KYAT3: variants seen among roughly 807,000 people sequenced by gnomAD.
The protein encoded by KYAT3 is kynurenine--oxoglutarate transaminase 3.
A neutral mutation model predicts 59.0 loss-of-function variants in KYAT3; 50 were observed. That is an observed-to-expected ratio of 0.85 (90% CI 0.68 to 1.07). The LOEUF is 1.07. Ranked by LOEUF, KYAT3 falls within the 50% of genes least tolerant of loss-of-function variation. The pLI, the probability that KYAT3 is intolerant of heterozygous loss-of-function variation, is 0.00. For synonymous variants in KYAT3, 148 were observed against 177.0 expected, an observed-to-expected ratio of 0.84 and a Z score of 1.30; for missense variants, 497 against 533.3, an observed-to-expected ratio of 0.93 and a Z score of 0.67.
At chr1:88,924,049 T>G in the KYAT3 span, among the ~76,000 whole-genome samples, 5,436 of 152,330 alleles carry the variant, frequency 0.036, 269 homozygotes, top group African/African-American at 0.11. Context: ...CAGTACTGTT[T>G]GCAGCCACCC....
At chr1:88,926,962 G>A in the KYAT3 span, among the ~76,000 whole-genome samples, 6 of 152,244 alleles carry the variant, frequency 3.9e-5, no homozygotes, top group African/African-American at 1.4e-4. Context: ...ATGCAATGTT[G>A]GGCACGCTGG....
intron 1 of KYAT3, among the ~76,000 whole-genome samples, chr1:88,990,749 C>T (rs1055272139): frequency 4.6e-5 from 7 of 152,118 alleles, no homozygotes; most frequent in Admixed American, 3.3e-4. Context: ...GAAATCTAAG[C>T]AGGCTGATAA....
intron 2 of KYAT3, chr1:88,981,213 T>A (rs1211714313): frequency 1.3e-5 from 2 of 152,256 alleles, no homozygotes; most frequent in Non-Finnish European, 2.9e-5. Context: ...ATGTCACTCA[T>A]AAGTTTTATT....
chr1:88,946,505 T>C (rs12141262), intron 11 of KYAT3, among the ~76,000 whole-genome samples: 43,331 of 152,094 alleles, frequency 0.28, 7,539 homozygotes, highest in Non-Finnish European at 0.38. Context: ...TTTCTATTTA[T>C]ATATTACTGC....
intron 2 of KYAT3, among the ~76,000 whole-genome samples, chr1:88,984,689 G>C (rs1677340664): frequency 6.6e-6 from 1 of 152,154 alleles, no homozygotes; most frequent in African/African-American, 2.4e-5. Flanking sequence ...TACTTCAATA[G>C]AAAACTATGC....
At chr1:88,988,138 A>G (rs1677577223) in intron 2 of KYAT3, 114 bp downstream of exon 2, 1 of 659,288 alleles carries the variant, frequency 1.5e-6, no homozygotes, top group Non-Finnish European at 2.6e-6. Context: ...CAGCATATGT[A>G]ATAGAAATGT....
chr1:88,966,613 CT>C (rs986877010), intron 4 of KYAT3, among the ~76,000 whole-genome samples: 1 of 151,684 alleles, frequency 6.6e-6, no homozygotes, highest in African/African-American at 2.4e-5. Context: ...TTGTAGTAGG[CT>C]TTTTTTTCTT....
intron 10 of KYAT3, among the ~76,000 whole-genome samples, chr1:88,952,185 G>A (rs1243183657): frequency 6.6e-6 from 1 of 152,152 alleles, no homozygotes; most frequent in African/African-American, 2.4e-5. Flanking sequence ...AACTTAATAT[G>A]GTCATATAAC....
chr1:88,983,080 G>A, intron 2 of KYAT3: 1 of 1,612,408 alleles, frequency 6.2e-7, no homozygotes, highest in Non-Finnish European at 8.5e-7. Flanking sequence ...CACGTGAACT[G>A]GAATGACCAT....
At chr1:88,929,001 C>T in the KYAT3 span, among the ~76,000 whole-genome samples, 20 of 152,030 alleles carry the variant, frequency 1.3e-4, 1 homozygote, top group African/African-American at 4.6e-4. Context: ...AAGGAACACT[C>T]GTTTGTTGTC....
At chr1:88,932,019 A>G (rs764228653), downstream of KYAT3, among the ~76,000 whole-genome samples, 1 of 150,978 alleles carries the variant, frequency 6.6e-6, no homozygotes, top group African/African-American at 2.4e-5. Flanking sequence ...TGGTAATCTT[A>G]GGGCTGTTGG....
intron 2 of KYAT3, among the ~76,000 whole-genome samples, chr1:88,974,375 T>C (rs1676677879): frequency 1.3e-5 from 2 of 152,048 alleles, no homozygotes. Flanking sequence ...TGTTTTTGGT[T>C]GTTTTTGTGC....
At chr1:88,953,724 C>T (rs1258142366) in intron 9 of KYAT3, among the ~76,000 whole-genome samples, 1 of 152,030 alleles carries the variant, frequency 6.6e-6, no homozygotes. Context: ...TTAGCCTTTT[C>T]CTTTCTAATA....
intron 2 of KYAT3, chr1:88,982,504 A>G: frequency 1.6e-6 from 2 of 1,269,168 alleles, no homozygotes; most frequent in Non-Finnish European, 1.1e-6. Context: ...TCACAAGAAC[A>G]TAAAAATTAC....
chr1:88,965,025 C>A, intron 4 of KYAT3, 47 bp from the exon 5 acceptor site: 1 of 1,486,478 alleles, frequency 6.7e-7, no homozygotes. Flanking sequence ...AAATATGGGA[C>A]CTACTGTTTG....
rs763896292 is a variant in KYAT3 at position 88,961,458 on chromosome 1, G to A, written c.589C>T (p.Pro197Ser). The A allele has an allele frequency of 1.2e-6, 2 of 1,613,376 alleles. No homozygotes were observed. The highest frequency in any genetic ancestry group is 1.7e-6 in the Non-Finnish European group (2 of 1,179,420). The change falls in exon 7 of 14, where the codon CCT becomes TCT. Residue 197 changes from proline to serine, a missense_variant. Physicochemically the swap from Pro to Ser is moderately conservative, Grantham distance 74 (BLOSUM62 -1). Coordinates refer to ENST00000260508, the MANE Select transcript of KYAT3 (RefSeq NM_001008661.3). ...RWSSSDWTLD[P>S]QELESKFNSK... The stretch of plus-strand genomic sequence containing the variant: ...TTAAATTTACTTTCCAGTTCTTGAG[G>A]ATCTAATGTCCAGTCAGAACTAGAC...
chr1:88,925,129 TG>T, the KYAT3 span, among the ~76,000 whole-genome samples: 1 of 152,246 alleles, frequency 6.6e-6, no homozygotes, highest in Non-Finnish European at 1.5e-5. Flanking sequence ...AGGAAAATAC[TG>T]GGCACCTGTC....
chr1:88,989,897 C>T (rs1171044469), intron 1 of KYAT3, among the ~76,000 whole-genome samples: 1 of 152,174 alleles, frequency 6.6e-6, no homozygotes, highest in Non-Finnish European at 1.5e-5. Flanking sequence ...GAAAGTCCCA[C>T]GGGATATTGG....
chr1:88,936,182 A>C lies in KYAT3; in HGVS notation c.*1T>G. ...AGAAACATTAATCCATTCTGCACAA[A>C]TCAAGACTTCTGTACACTCCATGCC... On this transcript the variant is annotated 3_prime_UTR_variant, in exon 14 of 14. Transcript: ENST00000260508. 1 of 1,605,192 alleles carries C rather than the reference A, an allele frequency of 6.2e-7. No homozygotes were observed. The highest frequency in any genetic ancestry group is 8.5e-7 in the Non-Finnish European group (1 of 1,172,890).
Sources: gnomAD v4.1 joint callset for allele counts (sites outside exome capture counted in the v4.1 genomes callset) on GRCh38, gnomAD v4.1.1 for gene constraint, MANE v1.5 for transcripts, NCBI Gene and HGNC (gene_info 2026-07-23, HGNC 2026-07-21) for gene names.